The following GANC variants were observed in gnomAD, a reference collection of about 807,000 sequenced individuals.
GANC encodes glucosidase alpha, neutral C.
Under a neutral mutation model 124.2 loss-of-function variants are expected in GANC, and 117 were observed. The observed-to-expected ratio is 0.94, with a 90% CI of 0.81 to 1.10. The LOEUF (loss-of-function observed/expected upper bound fraction) is 1.10. GANC is among the 50% of genes least tolerant of loss of function. The pLI, the probability that GANC is intolerant of heterozygous loss-of-function variation, is 0.00. For missense variants in GANC, 1,140 were observed against 1,095.0 expected (o/e 1.04, Z -0.58); for synonymous variants, 377 against 376.8 (o/e 1.00, Z -0.01).
intron 7 of GANC, 75 bp from the exon 8 acceptor site, chr15:42,308,147 G>C: frequency 1.1e-6 from 1 of 887,704 alleles, no homozygotes; most frequent in Non-Finnish European, 1.8e-6. Context: ...TCATCTCTCT[G>C]CACTCAGAAT....
intron 7 of GANC, among the ~76,000 whole-genome samples, chr15:42,307,264 CAG>C (rs2052006471): frequency 6.6e-6 from 1 of 151,988 alleles, no homozygotes; most frequent in South Asian, 2.1e-4. Context: ...TGAGGGCTGA[CAG>C]AATGCCCCAA....
chr15:42,292,453 T>C (rs1471894543), intron 4 of GANC, among the ~76,000 whole-genome samples: 1 of 152,052 alleles, frequency 6.6e-6, no homozygotes, highest in Non-Finnish European at 1.5e-5. Flanking sequence ...TCCAAAAACT[T>C]TGTTGTTGCT....
chr15:42,276,413 A>G lies in GANC; in HGVS notation c.92+3A>G, dbSNP rs2051672243. On this transcript the variant is annotated splice_donor_region_variant and intron_variant, in intron 2 of 23. Transcript: ENST00000318010. The stretch of plus-strand genomic sequence containing the variant: ...TGTAACAAGATCGCATTTTACAGGT[A>G]AGGAAAATAAATATAGTAGCTAGAT... 1.5e-6 allele frequency: 2 copies of G among 1,351,816 alleles called. No homozygotes were observed. Among genetic ancestry groups the G allele is most frequent in the Non-Finnish European group, 2.1e-6 (2 of 944,782 alleles). The allele number at this position is 1,351,816 out of a possible 1,614,324, so 83.7% of individuals were successfully genotyped here.
intron 2 of GANC, chr15:42,277,927 A>AC (rs928313984): frequency 6.1e-6 from 1 of 163,948 alleles, no homozygotes; most frequent in African/African-American, 2.4e-5. Flanking sequence ...AAAAAAAAAA[A>AC]AAAAAAAAAA....
intron 3 of GANC, among the ~76,000 whole-genome samples, chr15:42,285,276 G>T (rs2051775983): frequency 6.6e-6 from 1 of 152,172 alleles, no homozygotes; most frequent in Non-Finnish European, 1.5e-5. Flanking sequence ...TTCGACAGAG[G>T]TGACTTAGGA....
chr15:42,305,284 T>C (rs1356621607), intron 6 of GANC, among the ~76,000 whole-genome samples: 2 of 151,978 alleles, frequency 1.3e-5, no homozygotes, highest in Non-Finnish European at 2.9e-5. Flanking sequence ...CATCAAAAAG[T>C]GGACAAAGGT....
chr15:42,348,352 C>A (rs1412844356), intron 21 of GANC, 136 bp downstream of exon 21: 3 of 622,742 alleles, frequency 4.8e-6, no homozygotes. Flanking sequence ...ATTTCTGAAT[C>A]ATTGTTCAGC....
In GANC at chr15:42,326,109, G is replaced by A. The variant is rs138318270; in HGVS notation, c.1294-189G>A. Among the ~76,000 whole-genome samples the A allele has an allele frequency of 4.1e-3, 628 of 152,308 alleles. 4 individuals carry two copies. Among genetic ancestry groups the A allele is most frequent in the African/African-American group, 0.014 (599 of 41,556 alleles). On this transcript the variant is annotated intron_variant, in intron 11 of 23. Transcript: ENST00000318010. ...TGAAATTCTCATAAGCACATGAAAGGTTATAGGGTTTTACTGGTGTCTGAA... is the reference window on the plus strand; with the variant it reads ...TGAAATTCTCATAAGCACATGAAAGATTATAGGGTTTTACTGGTGTCTGAA...
intron 6 of GANC, among the ~76,000 whole-genome samples, chr15:42,302,716 A>G (rs2051958103): frequency 6.6e-6 from 1 of 152,154 alleles, no homozygotes; most frequent in Non-Finnish European, 1.5e-5. Flanking sequence ...ATGCACAAGT[A>G]TCAGTAGCCA....
chr15:42,273,289 G>A lies in GANC; in HGVS notation c.-1193G>A. ...CGGAATGTGCCATTTGGACCGGTCG[G>A]CAGCAGCTACGGTTGCCGGTCCCGC... On this transcript the variant is annotated 5_prime_UTR_variant, in exon 1 of 24. Coordinates refer to ENST00000318010, the MANE Select transcript of GANC (RefSeq NM_198141.3). 1 of 1,614,174 alleles carries A rather than the reference G, an allele frequency of 6.2e-7. No homozygotes were observed. The highest frequency in any genetic ancestry group is 8.5e-7 in the Non-Finnish European group (1 of 1,180,048).
chr15:42,280,598 A>C (rs11633276), intron 3 of GANC, among the ~76,000 whole-genome samples: 150,075 of 152,306 alleles, frequency 0.99, 73,971 homozygotes, highest in East Asian at 1. Flanking sequence ...CTTTCTGTCA[A>C]GTTTTTCTTC....
At chr15:42,301,794 G>A (rs965648609) in intron 6 of GANC, among the ~76,000 whole-genome samples, 4 of 152,220 alleles carry the variant, frequency 2.6e-5, no homozygotes, top group Non-Finnish European at 4.4e-5. Flanking sequence ...TAGCCAGACT[G>A]CCTCTCTAGA....
intron 10 of GANC, among the ~76,000 whole-genome samples, chr15:42,311,308 G>A (rs1007086200): frequency 2.6e-5 from 4 of 151,942 alleles, no homozygotes; most frequent in African/African-American, 7.3e-5. Context: ...AGAGAAATTA[G>A]GCAAGAAAAA....
chr15:42,310,507 C>A, intron 9 of GANC, 44 bp downstream of exon 9: 1 of 1,534,414 alleles, frequency 6.5e-7, no homozygotes, highest in Non-Finnish European at 8.8e-7. Flanking sequence ...AAAGAAGAAA[C>A]AAAACCACTG....
intron 10 of GANC, chr15:42,314,267 A>T (rs567639874): frequency 1.1e-4 from 71 of 664,196 alleles, no homozygotes; most frequent in Admixed American, 3.3e-4. Flanking sequence ...TTAAAGCCTG[A>T]TGAGGAAAGG....
chr15:42,352,211 A>T lies in GANC; in HGVS notation c.*72A>T. ...TCAACCTTTCCCCTCACCTTTTTTG[A>T]GATTTTTGCTGCAATCTGTTTGCCT... On this transcript the variant is annotated 3_prime_UTR_variant, in exon 24 of 24. Transcript: ENST00000318010. The T allele has an allele frequency of 6.3e-7, 1 of 1,584,384 alleles. No individual in the cohort carries two copies. The highest frequency in any genetic ancestry group is 1.1e-5 in the South Asian group (1 of 87,786).
intron 15 of GANC, among the ~76,000 whole-genome samples, chr15:42,335,178 G>T (rs1175799628): frequency 1.3e-5 from 2 of 152,010 alleles, no homozygotes; most frequent in Non-Finnish European, 2.9e-5. Context: ...AAAATTTCAA[G>T]CCAGTATCCT....
intron 10 of GANC, chr15:42,313,891 G>T: frequency 1.7e-6 from 1 of 583,040 alleles, no homozygotes; most frequent in Non-Finnish European, 3.0e-6. Context: ...GAGAAAGGCT[G>T]CAGTAAGCAC....
At position 42,321,849 on chromosome 15, in the gene GANC, T is replaced by C. The variant is rs762579683; in HGVS notation, c.1122T>C (p.Asp374=). ...ACCAGTGCCGCTGGAACTATGAAGA[T>C]GAGCAGGATGTAAAAGCAGTGGATG... is the stretch of plus-strand genomic sequence containing the variant. ...GYHQCRWNYE[D]EQDVKAVDAG... The change falls in exon 11 of 24, where the codon GAT becomes GAC. Residue 374 remains aspartate (D), a synonymous_variant. Coordinates refer to ENST00000318010, the MANE Select transcript of GANC (RefSeq NM_198141.3). The C allele has an allele frequency of 6.2e-7, 1 of 1,614,212 alleles. No individual in the cohort carries two copies. The highest frequency in any genetic ancestry group is 1.1e-5 in the South Asian group (1 of 91,088).
Sources: allele counts gnomAD v4.1 joint callset (sites outside exome capture counted in the v4.1 genomes callset), GRCh38; gene constraint gnomAD v4.1.1; transcripts MANE v1.5; gene names NCBI Gene and HGNC (gene_info 2026-07-23, HGNC 2026-07-21).